Variants in HEPH observed in about 807,000 individuals in gnomAD.
The protein encoded by HEPH is hephaestin.
In HEPH, 69 loss-of-function variants were observed where a neutral mutation model predicts 80.8. That is an observed-to-expected ratio of 0.85 (90% CI 0.70 to 1.04). The LOEUF (loss-of-function observed/expected upper bound fraction) is 1.04. Ranked by LOEUF, HEPH falls within the 50% of genes least tolerant of loss-of-function variation. The pLI is 0.00. For synonymous variants in HEPH, 431 were observed against 322.8 expected (o/e 1.34, Z -3.60); for missense variants, 1,115 against 891.3 (o/e 1.25, Z -3.20).
intron 15 of HEPH, among the ~76,000 whole-genome samples, chrX:66,246,300 C>A (rs2090803148): frequency 9.0e-6 from 1 of 111,663 alleles, no homozygotes; most frequent in Admixed American, 9.5e-5. Flanking sequence ...GTGGGATTGC[C>A]CTTTCTGCCA....
chrX:66,221,259 G>A, intron 15 of HEPH, among the ~76,000 whole-genome samples: 1 of 111,720 alleles, frequency 9.0e-6, no homozygotes, highest in Non-Finnish European at 1.9e-5. Flanking sequence ...GGGCCTCCTA[G>A]CATAAACTGA....
chrX:66,222,254 C>A (rs1283547264), intron 15 of HEPH, among the ~76,000 whole-genome samples: 1 of 112,633 alleles, frequency 8.9e-6, no homozygotes, highest in Non-Finnish European at 1.9e-5. Flanking sequence ...CCGCAGGGTG[C>A]CAGACTTTGG....
intron 15 of HEPH, among the ~76,000 whole-genome samples, chrX:66,231,014 C>T (rs1313946688): frequency 2.8e-5 from 3 of 107,997 alleles, no homozygotes; most frequent in African/African-American, 1.0e-4. Flanking sequence ...GTTTTCCCAG[C>T]ACCATTTATT....
chrX:66,207,624 A>G, intron 14 of HEPH, among the ~76,000 whole-genome samples: 1 of 111,541 alleles, frequency 9.0e-6, no homozygotes, highest in South Asian at 3.8e-4. Flanking sequence ...TAGGAACATC[A>G]AAATGTGAAA....
chrX:66,234,815 T>C (rs1258683137), intron 15 of HEPH, among the ~76,000 whole-genome samples: 1 of 110,532 alleles, frequency 9.0e-6, no homozygotes, highest in Non-Finnish European at 1.9e-5. Flanking sequence ...TTTTTTGTTT[T>C]GTTTTGTATT....
chrX:66,236,105 C>T (rs917378072), intron 15 of HEPH, among the ~76,000 whole-genome samples: 6 of 111,135 alleles, frequency 5.4e-5, no homozygotes, highest in African/African-American at 2.0e-4. Flanking sequence ...TTTTTTATTT[C>T]TCTTACCTGA....
intron 9 of HEPH, among the ~76,000 whole-genome samples, chrX:66,196,473 T>G (rs2088106869): frequency 2.7e-5 from 3 of 112,249 alleles, no homozygotes; most frequent in Admixed American, 9.4e-5. Flanking sequence ...TATAGCCCCT[T>G]GTTATAAGCT....
At chrX:66,186,655 CCGT>C (rs1236302324) in intron 4 of HEPH, among the ~76,000 whole-genome samples, 1 of 111,693 alleles carries the variant, frequency 9.0e-6, no homozygotes, top group Non-Finnish European at 1.9e-5. Context: ...CAGAAATCAC[CCGT>C]CTTCTGCGTC....
chrX:66,267,959 G>T (rs1056525593), downstream of HEPH: 1 of 111,498 alleles, frequency 9.0e-6, no homozygotes, highest in African/African-American at 3.3e-5. Flanking sequence ...GAGAAAAGAT[G>T]ATAACTATGT....
In HEPH at chrX:66,164,484, T is replaced by G. The variant is rs1157140527; in HGVS notation, c.-14+14T>G. The G allele has an allele frequency of 1.2e-4, 88 of 751,295 alleles. No individual in the cohort carries two copies. The highest frequency in any genetic ancestry group is 1.4e-4 in the Non-Finnish European group (87 of 637,923). 61.9% of individuals were successfully genotyped at this position (751,295 alleles called of 1,213,427 possible). On this transcript the variant is annotated intron_variant, in intron 1 of 20. Coordinates refer to ENST00000343002, the MANE Select transcript of HEPH (RefSeq NM_001367233.3). ...TCTCTAGCAAAGGTAAGCTTTCTTT[T>G]CTCTCTTTTCAAACTCTACCTCACC...
chrX:66,190,533 A>T (rs1286456272), intron 6 of HEPH, among the ~76,000 whole-genome samples: 2 of 111,757 alleles, frequency 1.8e-5, no homozygotes, highest in Non-Finnish European at 3.8e-5. Flanking sequence ...TGGTAGTCTT[A>T]AGTTTGTGAA....
intron 9 of HEPH, 25 bp downstream of exon 9, chrX:66,195,254 A>G: frequency 8.8e-7 from 1 of 1,135,978 alleles, no homozygotes. Context: ...TTTCTAGTAA[A>G]TGTGGGCTCT....
intron 9 of HEPH, among the ~76,000 whole-genome samples, chrX:66,195,892 A>G (rs1027708041): frequency 3.6e-5 from 4 of 111,677 alleles, no homozygotes; most frequent in African/African-American, 1.3e-4. Flanking sequence ...TACTTTATCT[A>G]AGAATATTAA....
At chrX:66,209,427 G>T (rs951549278) in intron 15 of HEPH, among the ~76,000 whole-genome samples, 9 of 111,862 alleles carry the variant, frequency 8.0e-5, no homozygotes, top group South Asian at 3.8e-4. Context: ...ATTCAAATAA[G>T]TTCTCATGCT....
intron 12 of HEPH, among the ~76,000 whole-genome samples, chrX:66,202,002 AAG>A (rs1368949084): frequency 1.8e-5 from 2 of 112,186 alleles, no homozygotes; most frequent in East Asian, 2.8e-4. Flanking sequence ...ATCATTTTAA[AAG>A]AGAGGGGCAC....
intron 19 of HEPH, among the ~76,000 whole-genome samples, chrX:66,260,499 C>G (rs1454766000): frequency 9.0e-6 from 1 of 111,228 alleles, no homozygotes; most frequent in Non-Finnish European, 1.9e-5. Flanking sequence ...TGTCCCTCTC[C>G]AAATTACTTC....
chrX:66,241,406 T>C (rs776937989), intron 15 of HEPH, among the ~76,000 whole-genome samples: 4 of 111,470 alleles, frequency 3.6e-5, no homozygotes, highest in Non-Finnish European at 5.7e-5. Context: ...AGTAAAGTGA[T>C]GGAGGAAGAT....
At chrX:66,208,030 G>A in intron 14 of HEPH, 85 bp from the exon 15 acceptor site, 3 of 667,068 alleles carry the variant, frequency 4.5e-6, no homozygotes, top group South Asian at 3.1e-5. Context: ...TCTATGAAGT[G>A]CTCATATATG....
rs1213913789 is a variant in HEPH at position 66,208,627 on chromosome X, CATACAT to C, written c.2563+385_2563+390del. On this transcript the variant is annotated intron_variant, in intron 15 of 20. Coordinates refer to ENST00000343002, the MANE Select transcript of HEPH (RefSeq NM_001367233.3). ...AGTAAGACTCCATCTCAAATATATA[CATACAT>C]ATATATATATATATATATATATATA... 1.9e-3 allele frequency among the ~76,000 whole-genome samples: 69 copies of C among 35,752 alleles called. 1 individual carries two copies. The highest frequency in any genetic ancestry group is 2.4e-3 in the South Asian group (1 of 420). The allele number at this position is 35,752 out of a possible 115,157, so 31.0% of individuals were successfully genotyped here. A position where few individuals can be genotyped will look rare whatever the true frequency, so the allele number is the denominator to read the frequency against.
Sources: allele counts gnomAD v4.1 joint callset (sites outside exome capture counted in the v4.1 genomes callset), GRCh38; gene constraint gnomAD v4.1.1; transcripts MANE v1.5; gene names NCBI Gene and HGNC (gene_info 2026-07-23, HGNC 2026-07-21).